The following ERBB4 variants were observed in gnomAD, a reference collection of about 807,000 sequenced individuals.
ERBB4 encodes receptor tyrosine-protein kinase erbB-4.
Under a neutral mutation model 158.0 loss-of-function variants are expected in ERBB4, and 42 were observed. The ratio of observed to expected loss-of-function variants is 0.27; its 90% CI spans 0.21 to 0.34. The LOEUF (loss-of-function observed/expected upper bound fraction) is 0.34, where lower values mean the gene tolerates loss of function less well. ERBB4 is among the 10% of genes least tolerant of loss of function. The pLI, the probability that ERBB4 is intolerant of heterozygous loss-of-function variation, is 1.00. For synonymous variants in ERBB4, 583 were observed against 558.7 expected (o/e 1.04, Z -0.61); for missense variants, 1,333 against 1,624.1 (o/e 0.82, Z 3.08).
At chr2:212,171,476 G>T (rs557959638) in intron 1 of ERBB4, among the ~76,000 whole-genome samples, 10 of 152,142 alleles carry the variant, frequency 6.6e-5, no homozygotes, top group Non-Finnish European at 8.8e-5. Flanking sequence ...ATGTAAAACG[G>T]ATGTGAAATA....
At chr2:211,498,932 G>A (rs1375456156) in intron 20 of ERBB4, among the ~76,000 whole-genome samples, 1 of 152,106 alleles carries the variant, frequency 6.6e-6, no homozygotes, top group Non-Finnish European at 1.5e-5. Flanking sequence ...GCTTCCCTCA[G>A]GGACACAGAT....
At chr2:212,292,188 A>G (rs931170111) in intron 1 of ERBB4, among the ~76,000 whole-genome samples, 1 of 152,028 alleles carries the variant, frequency 6.6e-6, no homozygotes, top group Non-Finnish European at 1.5e-5. Flanking sequence ...TCTAGCCGCC[A>G]AAAATGCCTC....
intron 20 of ERBB4, among the ~76,000 whole-genome samples, chr2:211,461,944 C>T (rs1441866331): frequency 4.0e-5 from 6 of 151,648 alleles, no homozygotes; most frequent in East Asian, 1.9e-4. Context: ...ATAATTACGT[C>T]GGTGCAAAAG....
chr2:212,235,737 A>G (rs1027091706), intron 1 of ERBB4, among the ~76,000 whole-genome samples: 1 of 152,104 alleles, frequency 6.6e-6, no homozygotes, highest in Non-Finnish European at 1.5e-5. Flanking sequence ...GCAATTGTGA[A>G]TGGGAGTTCA....
At chr2:212,462,171 G>GA (rs35978812) in intron 1 of ERBB4, among the ~76,000 whole-genome samples, 31,717 of 152,102 alleles carry the variant, frequency 0.21, 4,187 homozygotes, top group Non-Finnish European at 0.29. Flanking sequence ...AAACATTGGA[G>GA]AAACAACACT....
intron 25 of ERBB4, among the ~76,000 whole-genome samples, chr2:211,404,695 CAG>C (rs1425188755): frequency 2.6e-5 from 4 of 151,700 alleles, no homozygotes; most frequent in African/African-American, 4.8e-5. Flanking sequence ...ACCAAGGCTT[CAG>C]ATGAGAAGGA....
At chr2:211,522,938 C>A (rs1037995668) in intron 20 of ERBB4, among the ~76,000 whole-genome samples, 1 of 151,512 alleles carries the variant, frequency 6.6e-6, no homozygotes, top group Non-Finnish European at 1.5e-5. Context: ...TGGAGCTGAA[C>A]CCATAATATC....
intron 3 of ERBB4, among the ~76,000 whole-genome samples, chr2:211,898,938 T>C (rs2079165544): frequency 6.6e-6 from 1 of 152,118 alleles, no homozygotes; most frequent in African/African-American, 2.4e-5. Flanking sequence ...CACTCAATCG[T>C]CCAAACTACC....
At chr2:212,260,939 CG>C (rs1308739118) in intron 1 of ERBB4, among the ~76,000 whole-genome samples, 5 of 151,904 alleles carry the variant, frequency 3.3e-5, no homozygotes, top group Admixed American at 6.6e-5. Flanking sequence ...TTATGCATAA[CG>C]GCCTAGATAT....
intron 1 of ERBB4, among the ~76,000 whole-genome samples, chr2:212,166,865 G>A (rs1215493185): frequency 1.3e-5 from 2 of 152,104 alleles, no homozygotes; most frequent in African/African-American, 4.8e-5. Flanking sequence ...TCCATAAATG[G>A]TGCTGGGAAA....
chr2:211,418,056 A>T (rs1244334645), intron 25 of ERBB4, among the ~76,000 whole-genome samples: 1 of 150,978 alleles, frequency 6.6e-6, no homozygotes. Flanking sequence ...ATTAGTGCGC[A>T]GTGGAGCCTA....
chr2:211,635,744 C>T (rs528677274), intron 16 of ERBB4, among the ~76,000 whole-genome samples: 4 of 152,050 alleles, frequency 2.6e-5, no homozygotes, highest in Admixed American at 6.6e-5. Flanking sequence ...TCTTAATTGG[C>T]GAAACTGGTA....
intron 20 of ERBB4, among the ~76,000 whole-genome samples, chr2:211,489,888 T>C (rs1324972837): frequency 2.6e-5 from 4 of 152,032 alleles, no homozygotes; most frequent in African/African-American, 9.7e-5. Context: ...TTTAAAAGTT[T>C]ATAGTAAATG....
intron 20 of ERBB4, among the ~76,000 whole-genome samples, chr2:211,482,846 G>A (rs2065119309): frequency 6.6e-6 from 1 of 151,920 alleles, no homozygotes; most frequent in Non-Finnish European, 1.5e-5. Flanking sequence ...CAGAGGTTGC[G>A]GTGAGCCAAG....
intron 1 of ERBB4, among the ~76,000 whole-genome samples, chr2:212,358,706 A>AT (rs1361358074): frequency 6.6e-6 from 1 of 151,796 alleles, no homozygotes; most frequent in Admixed American, 6.6e-5. Context: ...ACTATCTAAC[A>AT]TCACAAAGGC....
rs564846283 is a variant in ERBB4 at position 212,085,226 on chromosome 2, C to T, written c.234+39526G>A. Among the ~76,000 whole-genome samples the T allele has an allele frequency of 4.6e-5, 7 of 151,908 alleles. No individual in the cohort carries two copies. The South Asian group carries it at 1.5e-3, about 32-fold the overall frequency. On this transcript the variant is annotated intron_variant, in intron 2 of 27. Transcript: ENST00000342788. ...ACACATACTGCCTATGTTTTCTCTT[C>T]CACATTCTAGCAGTTTAAAAAATAT...
In ERBB4 at chr2:212,290,396, C is replaced by A. The variant is rs116226076; in HGVS notation, c.83-165493G>T. Reference sequence around the variant, plus strand: ...AAGTAGTCTTTACCACATCAAAAGACAAAGTGAAAGAAATTACAAATTTAA... The same window carrying A: ...AAGTAGTCTTTACCACATCAAAAGAAAAAGTGAAAGAAATTACAAATTTAA... On this transcript the variant is annotated intron_variant, in intron 1 of 27. Transcript: ENST00000342788. Among the ~76,000 whole-genome samples the A allele has an allele frequency of 2.0e-4, 31 of 151,952 alleles. 1 individual carries two copies. Among genetic ancestry groups the A allele is most frequent in the Non-Finnish European group, 3.4e-4 (23 of 67,966 alleles).
At chr2:211,634,536 A>T (rs977862139) in intron 16 of ERBB4, among the ~76,000 whole-genome samples, 1 of 152,140 alleles carries the variant, frequency 6.6e-6, no homozygotes, top group Non-Finnish European at 1.5e-5. Flanking sequence ...ATTTATGCTT[A>T]GCTCCTTTTA....
intron 3 of ERBB4, among the ~76,000 whole-genome samples, chr2:211,906,442 TTTTGTACATGTTAATA>T (rs2079395084): frequency 6.6e-6 from 1 of 152,084 alleles, no homozygotes; most frequent in South Asian, 2.1e-4. Context: ...AGAGTTCCAT[TTTTGTACATGTTAATA>T]TTATAGATAG....
Sources: allele counts gnomAD v4.1 joint callset (sites outside exome capture counted in the v4.1 genomes callset), GRCh38; gene constraint gnomAD v4.1.1; transcripts MANE v1.5; gene names NCBI Gene and HGNC (gene_info 2026-07-23, HGNC 2026-07-21).